PCDHGA4: variants seen among roughly 807,000 people sequenced by gnomAD.
PCDHGA4 encodes the protein protocadherin gamma subfamily A, 4.
A neutral mutation model predicts 54.6 loss-of-function variants in PCDHGA4; 38 were observed. That is an observed-to-expected ratio of 0.70 (90% CI 0.54 to 0.91). The LOEUF is 0.91. Among genes scored for constraint, PCDHGA4 ranks in the 40% least tolerant of loss-of-function variants. PCDHGA4 has a pLI of 0.00. For missense variants in PCDHGA4, 1,298 were observed against 1,220.9 expected, an observed-to-expected ratio of 1.06 and a Z score of -0.94; for synonymous variants, 511 against 512.9, an observed-to-expected ratio of 1.00 and a Z score of 0.05.
rs1454034279 is a variant in PCDHGA4, at chr5:141,366,572, G to A, written c.2514+8951G>A. On this transcript the variant is annotated intron_variant, in intron 1 of 3. Transcript: ENST00000571252. Reference sequence around the variant, plus strand: ...CTTTGTGGGCGTGGATGGGGTTCGGGCTTTCCTGCAGACCTATTCCCACGA... The same window carrying A: ...CTTTGTGGGCGTGGATGGGGTTCGGACTTTCCTGCAGACCTATTCCCACGA... The A allele has an allele frequency of 1.9e-6, 3 of 1,614,148 alleles. No homozygotes were observed. The highest frequency in any genetic ancestry group is 1.7e-6 in the Non-Finnish European group (2 of 1,180,064).
intron 1 of PCDHGA4, among the ~76,000 whole-genome samples, chr5:141,382,076 G>T (rs185685959): frequency 6.6e-6 from 1 of 152,032 alleles, no homozygotes; most frequent in Non-Finnish European, 1.5e-5. Context: ...TGATCCGCCC[G>T]CCTCGGCCTC....
chr5:141,395,070 T>G lies in PCDHGA4; in HGVS notation c.2514+37449T>G. Reference sequence around the variant, plus strand: ...GGAGGTACAGGCTTTCCTGCAGACCTATTCCCAGGAAGTCTCCCTCACCGC... The same window carrying G: ...GGAGGTACAGGCTTTCCTGCAGACCGATTCCCAGGAAGTCTCCCTCACCGC... On this transcript the variant is annotated intron_variant, in intron 1 of 3. Transcript: ENST00000571252. 1 of 1,614,158 alleles carries G rather than the reference T, an allele frequency of 6.2e-7. No homozygotes were observed. The highest frequency in any genetic ancestry group is 1.3e-5 in the African/African-American group (1 of 75,046).
intron 1 of PCDHGA4, chr5:141,478,644 T>C (rs1217932733): frequency 6.4e-7 from 1 of 1,552,238 alleles, no homozygotes. Flanking sequence ...GATGAAGATG[T>C]TTTCCTGGTG....
chr5:141,375,833 C>G, intron 1 of PCDHGA4: 1 of 1,614,152 alleles, frequency 6.2e-7, no homozygotes, highest in South Asian at 1.1e-5. Flanking sequence ...CTCCGCAGAG[C>G]CCGGCTACCT....
In PCDHGA4 at chr5:141,355,694, A is replaced by G; in HGVS notation, c.587A>G (p.Asn196Ser). The G allele has an allele frequency of 1.2e-6, 2 of 1,613,824 alleles. No individual in the cohort carries two copies. Among genetic ancestry groups the G allele is most frequent in the Non-Finnish European group, 1.7e-6 (2 of 1,179,862 alleles). ...GCTTTTGATCCGGATGTAGGTGTAA[A>G]CTCCCTGCAGGGTTACCAGCTCAAC... is the stretch of plus-strand genomic sequence containing the variant. ...PEAFDPDVGVNSLQGYQLNSN... is the reference protein window; with the variant it reads ...PEAFDPDVGVSSLQGYQLNSN... Residue 196 changes from asparagine (N) to serine (S), a missense_variant, in exon 1 of 4, where the codon AAC (asparagine) becomes AGC (serine). Asn to Ser is a conservative substitution (Grantham distance 46). Coordinates refer to ENST00000571252, the MANE Select transcript of PCDHGA4 (RefSeq NM_018917.4).
Position 141,422,832 on chromosome 5 carries a change from A to G in PCDHGA4, c.2514+65211A>G, listed in dbSNP as rs12520854. On this transcript the variant is annotated intron_variant, in intron 1 of 3. Coordinates refer to ENST00000571252, the MANE Select transcript of PCDHGA4 (RefSeq NM_018917.4). Reference sequence around the variant, plus strand: ...GAGACTTAGAACTGAGAGTGATAGCACGTGACAGCGGGGACCCGCCCCTCA... The same window carrying G: ...GAGACTTAGAACTGAGAGTGATAGCGCGTGACAGCGGGGACCCGCCCCTCA... The G allele has an allele frequency of 6.8e-3, 10,902 of 1,614,192 alleles. 60 individuals are homozygous for G. The highest frequency in any genetic ancestry group is 7.9e-3 in the Non-Finnish European group (9,294 of 1,180,036).
chr5:141,425,949 C>T (rs2096905190), intron 1 of PCDHGA4, among the ~76,000 whole-genome samples: 1 of 152,224 alleles, frequency 6.6e-6, no homozygotes. Flanking sequence ...GTTTCCTATA[C>T]ATTAGTCCAA....
At position 141,370,864 on chromosome 5, in the gene PCDHGA4, C is replaced by T. The variant is rs372472671; in HGVS notation, c.2514+13243C>T. 2.7e-5 allele frequency: 43 copies of T among 1,614,034 alleles called. 1 individual carries two copies. The highest frequency in any genetic ancestry group is 3.6e-5 in the Non-Finnish European group (42 of 1,179,900). On this transcript the variant is annotated intron_variant, in intron 1 of 3. Coordinates refer to ENST00000571252, the MANE Select transcript of PCDHGA4 (RefSeq NM_018917.4). The stretch of plus-strand genomic sequence containing the variant: ...GGAGCCACATTTGCCCTGGAATCTG[C>T]GCAAGATCCTGATGTAGGTGTCAAT...
chr5:141,379,723 G>A (rs1250250274), intron 1 of PCDHGA4: 1 of 152,038 alleles, frequency 6.6e-6, no homozygotes, highest in Non-Finnish European at 1.5e-5. Context: ...CATGGAATTT[G>A]CTAAGTTATG....
Position 141,364,897 on chromosome 5 carries a change from A to C in PCDHGA4, c.2514+7276A>C, listed in dbSNP as rs780576369. 45 of 1,613,852 alleles carry C rather than the reference A, an allele frequency of 2.8e-5. No homozygotes were observed. In the Admixed American group the frequency reaches 3.2e-4, roughly 11 times the overall value. ...ATGTGGTAAGCGGAACTGATGGACA[A>C]AAGTATCCGGAGCTGGTGTTGGAAC... On this transcript the variant is annotated intron_variant, in intron 1 of 3. Transcript: ENST00000571252.
chr5:141,468,845 A>G (rs1426852752), intron 1 of PCDHGA4, among the ~76,000 whole-genome samples: 3 of 152,150 alleles, frequency 2.0e-5, no homozygotes, highest in Non-Finnish European at 2.9e-5. Flanking sequence ...CAGCCTGGGC[A>G]ACAGAGCGAG....
chr5:141,448,896 G>C (rs560617459), intron 1 of PCDHGA4, among the ~76,000 whole-genome samples: 5 of 152,302 alleles, frequency 3.3e-5, no homozygotes, highest in African/African-American at 1.2e-4. Context: ...AGTGAGCCGA[G>C]ATCGTGCCAC....
At chr5:141,418,940 C>G in intron 1 of PCDHGA4, 9 of 1,614,012 alleles carry the variant, frequency 5.6e-6, no homozygotes, top group Non-Finnish European at 6.8e-6. Context: ...GGAGGATTCC[C>G]CTCCAGGAGT....
chr5:141,490,004 C>A lies in PCDHGA4; in HGVS notation c.2515-4803C>A. The A allele has an allele frequency of 6.2e-7, 1 of 1,614,174 alleles. No homozygotes were observed. The highest frequency in any genetic ancestry group is 1.7e-5 in the Admixed American group (1 of 60,034). On this transcript the variant is annotated intron_variant, in intron 1 of 3. Transcript: ENST00000571252. The surrounding 1 kb of genome is among the most constrained non-coding windows in gnomAD (Gnocchi z 5.4). ...CTACGTGTGGGAATCCCAGAGAATGCACCCATTGGTACTCTGCTGCTCCGC... is the reference window on the plus strand; with the variant it reads ...CTACGTGTGGGAATCCCAGAGAATGAACCCATTGGTACTCTGCTGCTCCGC...
rs964965013 is a variant in PCDHGA4 at position 141,489,097 on chromosome 5, C to G, written c.2515-5710C>G. The G allele has an allele frequency of 6.4e-6, 2 of 313,448 alleles. No homozygotes were observed. The highest frequency in any genetic ancestry group is 1.1e-4 in the South Asian group (2 of 18,596). 19.4% of individuals were successfully genotyped at this position (313,448 alleles called of 1,614,324 possible). The stretch of plus-strand genomic sequence containing the variant: ...ACCCCCGCCACTCGGTGACTAAGAA[C>G]TGCTGCAAGCAGGCAAACCTCCGAG... On this transcript the variant is annotated intron_variant, in intron 1 of 3. Coordinates refer to ENST00000571252, the MANE Select transcript of PCDHGA4 (RefSeq NM_018917.4). This position sits in a 1 kb window ranked among gnomAD's most constrained non-coding sequence, Gnocchi z 4.5.
At chr5:141,397,462 G>A (rs1415733475) in intron 1 of PCDHGA4, among the ~76,000 whole-genome samples, 1 of 152,152 alleles carries the variant, frequency 6.6e-6, no homozygotes, top group Non-Finnish European at 1.5e-5. Context: ...TAGAAATATT[G>A]GGGAGTTGGA....
At chr5:141,393,769 T>C in intron 1 of PCDHGA4, 2 of 1,613,912 alleles carry the variant, frequency 1.2e-6, no homozygotes, top group Non-Finnish European at 1.7e-6. Flanking sequence ...GAAATGGAAA[T>C]ACAAGCCGAA....
In PCDHGA4 at chr5:141,492,559, C is replaced by A. The variant is rs533830391; in HGVS notation, c.2515-2248C>A. ...GGGCTGGGCCGGGTCGCCTGGGGGG[C>A]GGCCTGAGCGAGGCGCGGGGCCAGG... On this transcript the variant is annotated intron_variant, in intron 1 of 3. Coordinates refer to ENST00000571252, the MANE Select transcript of PCDHGA4 (RefSeq NM_018917.4). 2.6e-5 allele frequency among the ~76,000 whole-genome samples: 4 copies of A among 152,292 alleles called. No individual in the cohort carries two copies. The East Asian group carries it at 7.7e-4, about 29-fold the overall frequency.
chr5:141,373,908 A>C, intron 1 of PCDHGA4: 1 of 621,550 alleles, frequency 1.6e-6, no homozygotes, highest in Non-Finnish European at 2.6e-6. Flanking sequence ...ATCCTCCAAC[A>C]ACAAAGCAAA....
Sources: allele counts gnomAD v4.1 joint callset (sites outside exome capture counted in the v4.1 genomes callset), GRCh38; gene constraint gnomAD v4.1.1; non-coding constraint Gnocchi (gnomAD v3.1); transcripts MANE v1.5; gene names NCBI Gene and HGNC (gene_info 2026-07-23, HGNC 2026-07-21).